Variants in GAREM1 observed in about 807,000 individuals in gnomAD.
GAREM1 encodes GRB2-associated and regulator of MAPK protein 1.
Under a neutral mutation model 71.3 loss-of-function variants are expected in GAREM1, and 26 were observed. That is an observed-to-expected ratio of 0.36 (90% CI 0.27 to 0.51). The LOEUF is 0.51. GAREM1 is among the 20% of genes least tolerant of loss of function. GAREM1 has a pLI of 0.95. For synonymous variants in GAREM1, 440 were observed against 433.2 expected, an observed-to-expected ratio of 1.02 and a Z score of -0.20; for missense variants, 1,026 against 1,103.1, an observed-to-expected ratio of 0.93 and a Z score of 0.99.
intron 3 of GAREM1, among the ~76,000 whole-genome samples, chr18:32,303,233 T>C (rs1171274146): frequency 6.6e-6 from 1 of 152,116 alleles, no homozygotes; most frequent in African/African-American, 2.4e-5. Context: ...ATTAGGGTAT[T>C]TGGGCTCTGA....
chr18:32,327,884 C>A (rs2047489228), intron 2 of GAREM1, among the ~76,000 whole-genome samples: 1 of 152,072 alleles, frequency 6.6e-6, no homozygotes. Flanking sequence ...GATGTTGATA[C>A]CTACTTCATG....
intron 1 of GAREM1, among the ~76,000 whole-genome samples, chr18:32,425,445 G>C (rs2048565324): frequency 6.6e-6 from 1 of 152,140 alleles, no homozygotes; most frequent in Admixed American, 6.5e-5. Flanking sequence ...TCTGCTAATT[G>C]ATCAGTTCCT....
intron 1 of GAREM1, among the ~76,000 whole-genome samples, chr18:32,457,397 T>C (rs572295838): frequency 1.3e-5 from 2 of 152,096 alleles, no homozygotes; most frequent in African/African-American, 4.8e-5. Context: ...AGACTACAAA[T>C]AGTATTTATA....
Position 32,352,978 on chromosome 18 carries a change from T to G in GAREM1, c.262+39917A>C, listed in dbSNP as rs536106363. 1.3e-3 allele frequency among the ~76,000 whole-genome samples: 200 copies of G among 152,346 alleles called. 1 individual carries two copies. Among genetic ancestry groups the G allele is most frequent in the African/African-American group, 4.6e-3 (192 of 41,582 alleles). On this transcript the variant is annotated intron_variant, in intron 2 of 5. Transcript: ENST00000269209. ...TATAAACAACAAAGGAGTCAATTTT[T>G]TATTAATGAGAGGCCAACTCATACA... is the stretch of plus-strand genomic sequence containing the variant.
Position 32,470,300 on chromosome 18 carries a change from G to T in GAREM1, c.121+8C>A. 1 of 1,539,206 alleles carries T rather than the reference G, an allele frequency of 6.5e-7. No homozygotes were observed. The highest frequency in any genetic ancestry group is 1.9e-5 in the Admixed American group (1 of 52,342). On this transcript the variant is annotated splice_region_variant and intron_variant, in intron 1 of 5. Transcript: ENST00000269209. This position sits in a 1 kb window ranked among gnomAD's most constrained non-coding sequence, Gnocchi z 4.4. ...GCCCGTCTGCCCCGCGCCCCAGCTG[G>T]GACTCACCGTTGTCCAGGCGCGCGA...
At chr18:32,281,531 C>T (rs1478346663) in intron 4 of GAREM1, among the ~76,000 whole-genome samples, 4 of 152,240 alleles carry the variant, frequency 2.6e-5, no homozygotes, top group Admixed American at 2.6e-4. Flanking sequence ...CCCTGTCTAA[C>T]ACAAAGGTTC....
Position 32,268,440 on chromosome 18 carries a change from A to G in GAREM1, c.2062T>C (p.Phe688Leu). The G allele has an allele frequency of 5.6e-6, 9 of 1,614,166 alleles. No homozygotes were observed. The highest frequency in any genetic ancestry group is 7.6e-6 in the Non-Finnish European group (9 of 1,180,036). The change falls in exon 6 of 6, where the codon TTC becomes CTC. Residue 688 changes from phenylalanine (F) to leucine (L), a missense_variant. Coordinates refer to ENST00000269209, the MANE Select transcript of GAREM1 (RefSeq NM_001242409.2). ...ASPTSPVTAE[F>L]SSSVSGCPKS... Reference sequence around the variant, plus strand: ...GGACAACCAGAGACGCTGCTACTGAATTCTGCAGTGACTGGGCTAGTGGGG... The same window carrying G: ...GGACAACCAGAGACGCTGCTACTGAGTTCTGCAGTGACTGGGCTAGTGGGG...
rs1387158205 is a variant in GAREM1 at position 32,270,397 on chromosome 18, G to C, written c.1567-14C>G. ...TTCTTCTCTGACCTGGCGCAGAAAAGAACACTCCAGGTTAGCAACAGACTG... is the reference window on the plus strand; with the variant it reads ...TTCTTCTCTGACCTGGCGCAGAAAACAACACTCCAGGTTAGCAACAGACTG... On this transcript the variant is annotated splice_polypyrimidine_tract_variant and intron_variant, in intron 4 of 5. Coordinates refer to ENST00000269209, the MANE Select transcript of GAREM1 (RefSeq NM_001242409.2). 1.2e-6 allele frequency: 2 copies of C among 1,603,792 alleles called. No individual in the cohort carries two copies. Among genetic ancestry groups the C allele is most frequent in the Non-Finnish European group, 8.5e-7 (1 of 1,175,322 alleles).
chr18:32,429,775 A>G (rs1254189187), intron 1 of GAREM1, among the ~76,000 whole-genome samples: 1 of 152,252 alleles, frequency 6.6e-6, no homozygotes, highest in Non-Finnish European at 1.5e-5. Flanking sequence ...TTAATTCTAA[A>G]TGAACAACTT....
At position 32,455,136 on chromosome 18, in the gene GAREM1, C is replaced by T. The variant is rs79968451; in HGVS notation, c.121+15172G>A. ...CAAAATCTCAGGGACTAATCTCACA[C>T]TTGTTTCTCCTGTATTTATTCAGTC... On this transcript the variant is annotated intron_variant, in intron 1 of 5. Coordinates refer to ENST00000269209, the MANE Select transcript of GAREM1 (RefSeq NM_001242409.2). Among the ~76,000 whole-genome samples the T allele has an allele frequency of 6.1e-3, 923 of 152,282 alleles. 12 individuals are homozygous for T. Among genetic ancestry groups the T allele is most frequent in the African/African-American group, 0.021 (893 of 41,568 alleles).
At chr18:32,348,382 T>C (rs1448104593) in intron 2 of GAREM1, among the ~76,000 whole-genome samples, 1 of 152,152 alleles carries the variant, frequency 6.6e-6, no homozygotes, top group East Asian at 1.9e-4. Flanking sequence ...AAATGAAAAG[T>C]AGGCAATATT....
intron 1 of GAREM1, among the ~76,000 whole-genome samples, chr18:32,410,640 TG>T (rs2048407370): frequency 1.3e-5 from 2 of 152,176 alleles, no homozygotes; most frequent in African/African-American, 4.8e-5. Flanking sequence ...ATTAACTATA[TG>T]ATTATGGGCA....
chr18:32,330,598 T>C (rs529450537), intron 2 of GAREM1, among the ~76,000 whole-genome samples: 11 of 149,900 alleles, frequency 7.3e-5, no homozygotes, highest in African/African-American at 2.2e-4. Flanking sequence ...TAAAACACAA[T>C]ACAGTTTATG....
chr18:32,391,870 G>A (rs2048203317), intron 2 of GAREM1, among the ~76,000 whole-genome samples: 1 of 152,200 alleles, frequency 6.6e-6, no homozygotes, highest in Admixed American at 6.5e-5. Context: ...GAGAAGCTAA[G>A]TAATCCCTGG....
intron 1 of GAREM1, among the ~76,000 whole-genome samples, chr18:32,411,366 C>T (rs1008390776): frequency 6.6e-6 from 1 of 152,184 alleles, no homozygotes; most frequent in African/African-American, 2.4e-5. Flanking sequence ...TCAAATCTGA[C>T]ATAGCTTCCT....
At chr18:32,409,042 C>T (rs1026393940) in intron 1 of GAREM1, among the ~76,000 whole-genome samples, 1 of 152,120 alleles carries the variant, frequency 6.6e-6, no homozygotes, top group Non-Finnish European at 1.5e-5. Context: ...GCGTACACCA[C>T]GAAACAAGCA....
intron 4 of GAREM1, among the ~76,000 whole-genome samples, chr18:32,284,864 G>A (rs1307716252): frequency 6.6e-6 from 1 of 150,952 alleles, no homozygotes. Flanking sequence ...ATTCTCCTGC[G>A]TCAGCCTCCC....
At chr18:32,340,086 C>G (rs1369533478) in intron 2 of GAREM1, among the ~76,000 whole-genome samples, 1 of 152,232 alleles carries the variant, frequency 6.6e-6, no homozygotes, top group African/African-American at 2.4e-5. Flanking sequence ...TCCAGTGGCA[C>G]TTCTTGCATG....
At chr18:32,413,260 T>G in intron 1 of GAREM1, 1 of 1,540,920 alleles carries the variant, frequency 6.5e-7, no homozygotes, top group Middle Eastern at 2.4e-4. Context: ...TTCAACTACA[T>G]ATTTGACAGT....
Sources: gnomAD v4.1 joint callset for allele counts (sites outside exome capture counted in the v4.1 genomes callset) on GRCh38, gnomAD v4.1.1 for gene constraint, Gnocchi (gnomAD v3.1) non-coding constraint, MANE v1.5 for transcripts, NCBI Gene and HGNC (gene_info 2026-07-23, HGNC 2026-07-21) for gene names.